RNF111: variants seen among roughly 807,000 people sequenced by gnomAD.
RNF111 encodes the protein ring finger protein 111.
In RNF111, 17 loss-of-function variants were observed where a neutral mutation model predicts 95.1. The ratio of observed to expected loss-of-function variants is 0.18; its 90% CI spans 0.12 to 0.27. RNF111 has a LOEUF of 0.27. RNF111 is among the 10% of genes least tolerant of loss of function. The pLI, the probability that RNF111 is intolerant of heterozygous loss-of-function variation, is 1.00. For synonymous variants in RNF111, 440 were observed against 414.8 expected, an observed-to-expected ratio of 1.06 and a Z score of -0.74; for missense variants, 1,189 against 1,210.4, an observed-to-expected ratio of 0.98 and a Z score of 0.26.
In RNF111 at chr15:59,052,383, C is replaced by T. The variant is rs1304826360; in HGVS notation, c.959C>T (p.Thr320Ile). The T allele has an allele frequency of 6.2e-7, 1 of 1,603,552 alleles. No homozygotes were observed. Among genetic ancestry groups the T allele is most frequent in the Admixed American group, 1.7e-5 (1 of 58,050 alleles). Residue 320 changes from threonine (T) to isoleucine (I), a missense_variant, in exon 3 of 14, where the codon ACC becomes ATC. Thr to Ile is a moderately conservative substitution (Grantham distance 89). Around this residue, in one of 2 missense-constraint regions of RNF111, gnomAD observed 1,024 missense variants for 925.9 expected, o/e 1.11. Coordinates refer to ENST00000348370, the MANE Select transcript of RNF111 (RefSeq NM_017610.8). ...ACTGCCAATGAAGAAATTAATGTTA[C>T]CTCAACTGACAGTGAAGTGGAGATT... is the stretch of plus-strand genomic sequence containing the variant. ...QVTANEEINV[T>I]STDSEVEIVT... is the part of the protein sequence containing the mutation.
At chr15:58,991,494 G>A (rs1330808649) in intron 1 of RNF111, among the ~76,000 whole-genome samples, 3 of 152,198 alleles carry the variant, frequency 2.0e-5, no homozygotes, top group Non-Finnish European at 4.4e-5. Flanking sequence ...ATGGTTTCAG[G>A]TAGTGGTAAG....
At chr15:59,001,439 A>C (rs893215673) in intron 1 of RNF111, among the ~76,000 whole-genome samples, 1 of 152,176 alleles carries the variant, frequency 6.6e-6, no homozygotes, top group Non-Finnish European at 1.5e-5. Context: ...ATTAAAAAAA[A>C]ATTCTTTTTA....
chr15:59,087,889 G>C (rs1263232937), intron 10 of RNF111, among the ~76,000 whole-genome samples: 2 of 152,182 alleles, frequency 1.3e-5, no homozygotes, highest in Non-Finnish European at 2.9e-5. Context: ...GCAGTAGAGT[G>C]GTTATTGGTC....
intron 1 of RNF111, among the ~76,000 whole-genome samples, chr15:58,997,794 G>A (rs1466859617): frequency 2.0e-5 from 3 of 149,586 alleles, no homozygotes; most frequent in African/African-American, 4.9e-5. Context: ...CCAGCCTGGC[G>A]ACAGTGTGAG....
chr15:59,073,746 T>G (rs1402925982), intron 6 of RNF111, among the ~76,000 whole-genome samples: 1 of 152,224 alleles, frequency 6.6e-6, no homozygotes, highest in African/African-American at 2.4e-5. Flanking sequence ...ACAAATGTTC[T>G]TAATGACATC....
chr15:59,081,397 C>G, intron 8 of RNF111, 113 bp downstream of exon 8: 1 of 884,064 alleles, frequency 1.1e-6, no homozygotes, highest in Non-Finnish European at 1.7e-6. Flanking sequence ...GTAGTCACAG[C>G]TCCTTGGGAG....
intron 11 of RNF111, 141 bp downstream of exon 11, chr15:59,089,900 T>C (rs1596314345): frequency 1.8e-6 from 1 of 565,644 alleles, no homozygotes; most frequent in African/African-American, 1.8e-5. Context: ...CTTCTGGGAG[T>C]TACAGAAATA....
intron 1 of RNF111, among the ~76,000 whole-genome samples, chr15:58,997,740 C>T (rs1359177390): frequency 1.3e-5 from 2 of 150,040 alleles, no homozygotes; most frequent in Non-Finnish European, 3.0e-5. Context: ...GGCTTGAACC[C>T]GGGAGGCAGA....
intron 1 of RNF111, among the ~76,000 whole-genome samples, chr15:59,018,232 A>T (rs1464776030): frequency 6.6e-6 from 1 of 152,240 alleles, no homozygotes; most frequent in African/African-American, 2.4e-5. Flanking sequence ...GTAGACTAAC[A>T]TCAGTAACTA....
intron 2 of RNF111, among the ~76,000 whole-genome samples, chr15:59,038,581 G>A (rs575388256): frequency 2.0e-5 from 3 of 152,196 alleles, no homozygotes; most frequent in East Asian, 1.9e-4. Flanking sequence ...TCATCATCTC[G>A]CTTCAGTTGT....
At chr15:59,087,988 C>T (rs1471063491) in intron 10 of RNF111, among the ~76,000 whole-genome samples, 1 of 152,124 alleles carries the variant, frequency 6.6e-6, no homozygotes, top group African/African-American at 2.4e-5. Flanking sequence ...AACATGGAGA[C>T]AGTGAATATA....
chr15:59,080,738 A>T (rs917123518), intron 7 of RNF111, among the ~76,000 whole-genome samples, 198 bp from the exon 8 acceptor site: 3 of 152,176 alleles, frequency 2.0e-5, no homozygotes, highest in Admixed American at 6.5e-5. Context: ...ACTATAATAT[A>T]TATATTGACA....
chr15:59,047,889 A>G (rs1375736599), intron 2 of RNF111, among the ~76,000 whole-genome samples: 1 of 152,194 alleles, frequency 6.6e-6, no homozygotes, highest in Non-Finnish European at 1.5e-5. Flanking sequence ...TATTTTAGAA[A>G]TGGTTATTAA....
At chr15:59,015,425 C>G (rs2040019752) in intron 1 of RNF111, among the ~76,000 whole-genome samples, 1 of 152,048 alleles carries the variant, frequency 6.6e-6, no homozygotes, top group Non-Finnish European at 1.5e-5. Flanking sequence ...TTGTTAGTCA[C>G]AATTGGCATG....
chr15:59,025,109 A>C (rs2040536018), intron 1 of RNF111, among the ~76,000 whole-genome samples: 1 of 152,214 alleles, frequency 6.6e-6, no homozygotes, highest in African/African-American at 2.4e-5. Flanking sequence ...GGTTTTTGCA[A>C]ATAATGCTGT....
intron 9 of RNF111, 149 bp from the exon 10 acceptor site, chr15:59,085,510 A>G (rs1440238924): frequency 1.8e-6 from 1 of 557,782 alleles, no homozygotes; most frequent in African/African-American, 2.0e-5. Context: ...TGAAATTATT[A>G]GTTAAATATT....
chr15:59,075,395 A>T (rs1244735326), intron 6 of RNF111, among the ~76,000 whole-genome samples: 1 of 152,220 alleles, frequency 6.6e-6, no homozygotes, highest in African/African-American at 2.4e-5. Context: ...GGCAAAGGTA[A>T]TTCATGATTT....
chr15:59,086,798 A>G (rs904266589), intron 10 of RNF111, among the ~76,000 whole-genome samples: 5 of 152,208 alleles, frequency 3.3e-5, no homozygotes, highest in Admixed American at 6.5e-5. Context: ...AAACTGTTCT[A>G]CCAAGAAACT....
At chr15:59,036,156 A>C (rs1443870425) in intron 2 of RNF111, among the ~76,000 whole-genome samples, 1 of 151,908 alleles carries the variant, frequency 6.6e-6, no homozygotes, top group Non-Finnish European at 1.5e-5. Context: ...GCTCACTGCA[A>C]CCTCTGCCTC....
Sources: gnomAD v4.1 joint callset for allele counts (sites outside exome capture counted in the v4.1 genomes callset) on GRCh38, gnomAD v4.1.1 for gene constraint, gnomAD v4.1.1 regional missense constraint, MANE v1.5 for transcripts, NCBI Gene and HGNC (gene_info 2026-07-23, HGNC 2026-07-21) for gene names.